Variants in ALAS1 observed in about 807,000 individuals in gnomAD.
The protein encoded by ALAS1 is 5-aminolevulinate synthase, non-specific, mitochondrial.
Under a neutral mutation model 59.6 loss-of-function variants are expected in ALAS1, and 29 were observed. The ratio of observed to expected loss-of-function variants is 0.49; its 90% CI spans 0.36 to 0.66. The LOEUF is 0.66. Ranked by LOEUF, ALAS1 falls within the 30% of genes least tolerant of loss-of-function variation. The pLI is 0.00. For missense variants in ALAS1, 690 were observed against 807.5 expected (o/e 0.85, Z 1.76); for synonymous variants, 299 against 296.6 (o/e 1.01, Z -0.08).
At chr3:52,213,979 T>C (rs1699464552) in intron 11 of ALAS1, 41 bp from the exon 12 acceptor site, 1 of 1,555,776 alleles carries the variant, frequency 6.4e-7, no homozygotes, top group Non-Finnish European at 8.8e-7. Context: ...TTCTCTTGTG[T>C]ATATTACTCC....
intron 2 of ALAS1, 89 bp from the exon 3 acceptor site, chr3:52,199,121 T>C: frequency 1.5e-6 from 2 of 1,311,492 alleles, no homozygotes; most frequent in Non-Finnish European, 1.1e-6. Context: ...GGGTACCCTT[T>C]ATATAAACTG....
chr3:52,206,431 C>A, intron 7 of ALAS1, 141 bp from the exon 8 acceptor site: 1 of 965,044 alleles, frequency 1.0e-6, no homozygotes, highest in Non-Finnish European at 1.6e-6. Flanking sequence ...GTTATTTTGC[C>A]AGGAAGAAAC....
At chr3:52,203,553 A>C (rs1302605976) in intron 4 of ALAS1, among the ~76,000 whole-genome samples, 3 of 151,616 alleles carry the variant, frequency 2.0e-5, no homozygotes, top group African/African-American at 7.3e-5. Flanking sequence ...AAAAAAAAAA[A>C]CAGAAAATTG....
Position 52,198,743 on chromosome 3 carries a change from C to G in ALAS1, c.-138C>G. The G allele has an allele frequency of 6.8e-7, 1 of 1,479,538 alleles. No individual in the cohort carries two copies. The highest frequency in any genetic ancestry group is 9.1e-7 in the Non-Finnish European group (1 of 1,095,962). The allele number at this position is 1,479,538 out of a possible 1,614,324, so 91.7% of individuals were successfully genotyped here. A position where few individuals can be genotyped will look rare whatever the true frequency, so the allele number is the denominator to read the frequency against. ...CTTGCTTCAGGGACTCGGGACCCTG[C>G]TGGACCCCTTCCTCGGGTTTAGGGG... On this transcript the variant is annotated 5_prime_UTR_variant, in exon 2 of 12. Coordinates refer to ENST00000484952, the MANE Select transcript of ALAS1 (RefSeq NM_000688.6).
At chr3:52,200,016 T>G (rs939563972) in intron 3 of ALAS1, among the ~76,000 whole-genome samples, 5 of 152,186 alleles carry the variant, frequency 3.3e-5, no homozygotes, top group Admixed American at 1.3e-4. Flanking sequence ...GGGTTTCACC[T>G]TGTTGGTCCG....
At chr3:52,198,083 CAGA>C, upstream of ALAS1, 2 of 397,676 alleles carry the variant, frequency 5.0e-6, no homozygotes, top group Non-Finnish European at 8.9e-6. Flanking sequence ...CGCGCCTGCG[CAGA>C]AGAAGGCAGC....
chr3:52,204,429 A>G (rs957786910), intron 5 of ALAS1, among the ~76,000 whole-genome samples: 11 of 152,240 alleles, frequency 7.2e-5, no homozygotes, highest in African/African-American at 2.2e-4. Context: ...TGAAAGCCAT[A>G]TCCCTTGCTT....
At chr3:52,199,097 G>T (rs1699131631) in intron 2 of ALAS1, 113 bp from the exon 3 acceptor site, 1 of 1,116,388 alleles carries the variant, frequency 9.0e-7, no homozygotes, top group East Asian at 2.6e-5. Flanking sequence ...TGAGGGAGAA[G>T]TGTTAGTATT....
chr3:52,198,932 C>T (rs1257182412), intron 2 of ALAS1, 84 bp downstream of exon 2: 7 of 1,421,510 alleles, frequency 4.9e-6, no homozygotes, highest in Non-Finnish European at 5.7e-6. Context: ...TTTCCCTCAT[C>T]CTTCCGCCCC....
rs368106581 is a variant in ALAS1, at chr3:52,211,473, C to T, written c.1521C>T (p.Asn507=). ...TGCTTCGCCGCCAGCACCAGCGCAA[C>T]GTCAAACTCATGAGACAGATGCTAA... The part of the protein sequence containing the change: ...GRVLRRQHQR[N]VKLMRQMLMD... The change falls in exon 10 of 12, where the codon AAC becomes AAT. Residue 507 remains asparagine, a synonymous_variant. Transcript: ENST00000484952. 76 of 1,614,118 alleles carry T rather than the reference C, an allele frequency of 4.7e-5. No individual in the cohort carries two copies. The highest frequency in any genetic ancestry group is 1.5e-4 in the African/African-American group (11 of 74,926).
At chr3:52,213,154 A>G (rs983464817) in intron 11 of ALAS1, among the ~76,000 whole-genome samples, 2 of 152,222 alleles carry the variant, frequency 1.3e-5, no homozygotes, top group Non-Finnish European at 2.9e-5. Flanking sequence ...CGCCTCTGAT[A>G]AGAGGAATTG....
Position 52,198,252 on chromosome 3 carries a change from G to A in ALAS1, c.-213G>A, listed in dbSNP as rs1699110692. 7.5e-6 allele frequency: 3 copies of A among 401,428 alleles called. No homozygotes were observed. The highest frequency in any genetic ancestry group is 1.2e-4 in the South Asian group (1 of 8,660). 24.9% of individuals were successfully genotyped at this position (401,428 alleles called of 1,614,324 possible). A position where few individuals can be genotyped will look rare whatever the true frequency, so the allele number is the denominator to read the frequency against. Reference sequence around the variant, plus strand: ...CGCCGCCGCCTCTGCAGTCCTCAGCGCAGGTGAGGGCCCGCGCGGTAGGTG... The same window carrying A: ...CGCCGCCGCCTCTGCAGTCCTCAGCACAGGTGAGGGCCCGCGCGGTAGGTG... On this transcript the variant is annotated 5_prime_UTR_variant, in exon 1 of 12. Transcript: ENST00000484952.
intron 9 of ALAS1, among the ~76,000 whole-genome samples, chr3:52,209,723 T>G (rs116017578): frequency 0.023 from 3,454 of 152,334 alleles, 54 homozygotes; most frequent in Non-Finnish European, 0.037. Flanking sequence ...AGACAGGCTC[T>G]CACTCTGTGC....
At chr3:52,200,132 G>A (rs1164238192) in intron 3 of ALAS1, among the ~76,000 whole-genome samples, 10 of 152,136 alleles carry the variant, frequency 6.6e-5, no homozygotes, top group Admixed American at 5.2e-4. Flanking sequence ...GCTTTTTAAA[G>A]TAGTGATTTT....
intron 7 of ALAS1, 77 bp from the exon 8 acceptor site, chr3:52,206,494 GA>G: frequency 6.7e-7 from 1 of 1,482,924 alleles, no homozygotes; most frequent in Non-Finnish European, 9.2e-7. Context: ...CATTTCCAAG[GA>G]AAAGTCTGTT....
chr3:52,205,268 G>A (rs771719138), intron 6 of ALAS1, among the ~76,000 whole-genome samples: 6 of 152,140 alleles, frequency 3.9e-5, no homozygotes, highest in African/African-American at 7.2e-5. Flanking sequence ...ATCTAGCAGC[G>A]CTAGAGAAAA....
In ALAS1 at chr3:52,211,509, C is replaced by T; in HGVS notation, c.1557C>T (p.Gly519=). 1.2e-6 allele frequency: 2 copies of T among 1,614,238 alleles called. No individual in the cohort carries two copies. The highest frequency in any genetic ancestry group is 1.6e-4 in the Middle Eastern group (1 of 6,062). ...KLMRQMLMDA[G]LPVVHCPSHI... ...TGAGACAGATGCTAATGGATGCCGG[C>T]CTCCCTGTTGTCCACTGCCCCAGCC... Residue 519 remains glycine, a synonymous_variant, in exon 10 of 12, where the codon GGC becomes GGT. Coordinates refer to ENST00000484952, the MANE Select transcript of ALAS1 (RefSeq NM_000688.6).
At chr3:52,209,571 A>G (rs914195802) in intron 9 of ALAS1, among the ~76,000 whole-genome samples, 1 of 152,224 alleles carries the variant, frequency 6.6e-6, no homozygotes, top group African/African-American at 2.4e-5. Context: ...TCATTGTGAG[A>G]TGGAAAAGGC....
At position 52,198,737 on chromosome 3, in the gene ALAS1, A is replaced by G; in HGVS notation, c.-144A>G. ...GGAATCCTTGCTTCAGGGACTCGGG[A>G]CCCTGCTGGACCCCTTCCTCGGGTT... On this transcript the variant is annotated 5_prime_UTR_variant, in exon 2 of 12. Coordinates refer to ENST00000484952, the MANE Select transcript of ALAS1 (RefSeq NM_000688.6). The G allele has an allele frequency of 7.0e-7, 1 of 1,431,798 alleles. No homozygotes were observed. The highest frequency in any genetic ancestry group is 9.5e-7 in the Non-Finnish European group (1 of 1,052,694). 88.7% of individuals were successfully genotyped at this position (1,431,798 alleles called of 1,614,324 possible).
Sources: allele counts gnomAD v4.1 joint callset (sites outside exome capture counted in the v4.1 genomes callset), GRCh38; gene constraint gnomAD v4.1.1; transcripts MANE v1.5; gene names NCBI Gene and HGNC (gene_info 2026-07-23, HGNC 2026-07-21).